The following FOXN4 variants were observed in gnomAD, a reference collection of about 807,000 sequenced individuals.
FOXN4 encodes the protein forkhead box N4.
FOXN4 carries 12 observed loss-of-function variants against 45.0 expected under a neutral mutation model. That is an observed-to-expected ratio of 0.27 (90% CI 0.17 to 0.43). The LOEUF is 0.43. Ranked by LOEUF, FOXN4 falls within the 20% of genes least tolerant of loss-of-function variation. FOXN4 has a pLI of 1.00. For synonymous variants in FOXN4, 297 were observed against 295.0 expected (o/e 1.01, Z -0.07); for missense variants, 560 against 694.9 (o/e 0.81, Z 2.18).
intron 2 of FOXN4, among the ~76,000 whole-genome samples, chr12:109,299,306 CACAG>C (rs1167379978): frequency 6.6e-6 from 1 of 152,206 alleles, no homozygotes; most frequent in Admixed American, 6.5e-5. Flanking sequence ...CGCATATGCA[CACAG>C]ACACACACAC....
At chr12:109,298,565 G>A (rs934364690) in intron 2 of FOXN4, among the ~76,000 whole-genome samples, 6 of 152,016 alleles carry the variant, frequency 3.9e-5, no homozygotes, top group Non-Finnish European at 7.4e-5. Context: ...GTTTCACCAC[G>A]TTGGCCAGAC....
intron 9 of FOXN4, 51 bp from the exon 10 acceptor site, chr12:109,279,981 G>C: frequency 6.2e-7 from 1 of 1,605,742 alleles, no homozygotes; most frequent in Non-Finnish European, 8.5e-7. Context: ...CAAATGACCT[G>C]AGTTCGAATC....
Position 109,288,614 on chromosome 12 carries a change from T to C in FOXN4, c.233-434A>G, listed in dbSNP as rs762907247. 2.0e-5 allele frequency among the ~76,000 whole-genome samples: 3 copies of C among 152,228 alleles called. No individual in the cohort carries two copies. The highest frequency in any genetic ancestry group is 4.4e-5 in the Non-Finnish European group (3 of 68,044). On this transcript the variant is annotated intron_variant, in intron 3 of 9. Transcript: ENST00000299162. The surrounding 1 kb of genome is among the most constrained non-coding windows in gnomAD (Gnocchi z 4.3). ...ACATGCCATGGCTCCCGAGTGCCTCTAGGTTTAGGTCCAAAGTACCTTTGT... is the reference window on the plus strand; with the variant it reads ...ACATGCCATGGCTCCCGAGTGCCTCCAGGTTTAGGTCCAAAGTACCTTTGT...
Position 109,281,574 on chromosome 12 carries a change from G to A in FOXN4, c.1127C>T (p.Pro376Leu). ...QPQAHLAPDSPAPAQTPPLHA... is the reference protein window; with the variant it reads ...QPQAHLAPDSLAPAQTPPLHA... ...CAGTGGCGGGGTCTGGGCTGGTGCT[G>A]GAGAGTCTGGAGCAAGATGTGCCTG... is the stretch of plus-strand genomic sequence containing the variant. The change falls in exon 9 of 10, where the codon CCA (proline) becomes CTA (leucine). Residue 376 changes from proline (P) to leucine (L), a missense_variant. Physicochemically the swap from Pro to Leu is moderately conservative, Grantham distance 98. Coordinates refer to ENST00000299162, the MANE Select transcript of FOXN4 (RefSeq NM_213596.3). 1.2e-6 allele frequency: 2 copies of A among 1,606,430 alleles called. No homozygotes were observed. The highest frequency in any genetic ancestry group is 1.7e-6 in the Non-Finnish European group (2 of 1,176,408).
intron 6 of FOXN4, chr12:109,286,995 T>C (rs1349498522): frequency 1.1e-6 from 1 of 946,656 alleles, no homozygotes; most frequent in Admixed American, 3.3e-5. Flanking sequence ...CCCCTCTTTA[T>C]TGCATCCCCA....
In FOXN4 at chr12:109,279,689, C is replaced by T. The variant is rs2047633636; in HGVS notation, c.1536G>A (p.Lys512=). ...SSQYLGAQGN[K]PIALL Reference sequence around the variant, plus strand: ...TGACAGCTCAAAGCAGGGCTATAGGCTTGTTCCCCTGTGCACCCAGGTACT... The same window carrying T: ...TGACAGCTCAAAGCAGGGCTATAGGTTTGTTCCCCTGTGCACCCAGGTACT... The change falls in exon 10 of 10, where the codon AAG becomes AAA. Residue 512 remains lysine, a synonymous_variant. Transcript: ENST00000299162. 6.4e-7 allele frequency: 1 copy of T among 1,573,910 alleles called. No homozygotes were observed.
chr12:109,294,582 C>T (rs1057057953), intron 2 of FOXN4, among the ~76,000 whole-genome samples: 4 of 152,190 alleles, frequency 2.6e-5, no homozygotes, highest in African/African-American at 9.6e-5. Context: ...CCAGCCAGCA[C>T]CCTGGACACC....
intron 2 of FOXN4, among the ~76,000 whole-genome samples, chr12:109,292,276 G>A (rs2047776525): frequency 6.6e-6 from 1 of 152,194 alleles, no homozygotes; most frequent in African/African-American, 2.4e-5. Context: ...CTGCTGGCAG[G>A]TTTGGTAAGG....
Position 109,281,751 on chromosome 12 carries a change from G to A in FOXN4, c.950C>T (p.Pro317Leu), listed in dbSNP as rs2047655276. The part of the protein sequence containing the change: ...ISDRPESCRR[P>L]GKPGEPEAPV... ...GGCCTCTGGTTCCCCCGGTTTGCCG[G>A]GGCGCCGGCAGCTTTCAGGCCGGTC... Residue 317 changes from proline to leucine, a missense_variant, in exon 9 of 10, where the codon CCC becomes CTC. By Grantham distance (98) the Pro-to-Leu change is moderately conservative. Around this residue, in one of 5 missense-constraint regions of FOXN4, gnomAD observed 315 missense variants for 350.5 expected, o/e 0.90. Coordinates refer to ENST00000299162, the MANE Select transcript of FOXN4 (RefSeq NM_213596.3). The A allele has an allele frequency of 1.2e-6, 2 of 1,604,626 alleles. No individual in the cohort carries two copies. The highest frequency in any genetic ancestry group is 1.7e-5 in the Admixed American group (1 of 59,764).
At position 109,285,321 on chromosome 12, in the gene FOXN4, C is replaced by T. The variant is rs774724083; in HGVS notation, c.884G>A (p.Arg295Gln). 5.6e-6 allele frequency: 9 copies of T among 1,610,314 alleles called. No homozygotes were observed. Among genetic ancestry groups the T allele is most frequent in the Admixed American group, 5.0e-5 (3 of 59,640 alleles). The change falls in exon 8 of 10, where the codon CGG becomes CAG. Residue 295 changes from arginine to glutamine, a missense_variant. Around this residue, in one of 5 missense-constraint regions of FOXN4, gnomAD observed 315 missense variants for 350.5 expected, o/e 0.90. Coordinates refer to ENST00000299162, the MANE Select transcript of FOXN4 (RefSeq NM_213596.3). ...WKRKDLAAIH[R>Q]SMANPEELDK... ...GCCCTCACCAGGGTTGGCCATACTCCGGTGGATGGCAGCCAGGTCCTTCCT... is the reference window on the plus strand; with the variant it reads ...GCCCTCACCAGGGTTGGCCATACTCTGGTGGATGGCAGCCAGGTCCTTCCT...
At chr12:109,297,303 G>A (rs1051122152) in intron 2 of FOXN4, among the ~76,000 whole-genome samples, 10 of 152,252 alleles carry the variant, frequency 6.6e-5, no homozygotes, top group Non-Finnish European at 1.3e-4. Flanking sequence ...GCACATGCAA[G>A]AGATTTAGGT....
chr12:109,303,869 C>A (rs2047888604), intron 2 of FOXN4, among the ~76,000 whole-genome samples: 1 of 152,092 alleles, frequency 6.6e-6, no homozygotes, highest in Non-Finnish European at 1.5e-5. Context: ...AGTATCCTTA[C>A]CTGTAGATTG....
intron 6 of FOXN4, 98 bp from the exon 7 acceptor site, chr12:109,286,842 GA>G: frequency 1.4e-6 from 2 of 1,477,644 alleles, no homozygotes; most frequent in Non-Finnish European, 1.8e-6. Flanking sequence ...CCTCTGCCAG[GA>G]AGCCTGCCCT....
chr12:109,279,491 G>A lies in FOXN4; in HGVS notation c.*180C>T, dbSNP rs980579876. On this transcript the variant is annotated 3_prime_UTR_variant, in exon 10 of 10. Coordinates refer to ENST00000299162, the MANE Select transcript of FOXN4 (RefSeq NM_213596.3). ...AACTGCTCCGGAAGCTCCAGGGGGAGGCACGAGAAGGAGAGGGGCTGCTGA... is the reference window on the plus strand; with the variant it reads ...AACTGCTCCGGAAGCTCCAGGGGGAAGCACGAGAAGGAGAGGGGCTGCTGA... The A allele has an allele frequency of 1.5e-5, 13 of 873,350 alleles. No individual in the cohort carries two copies. The African/African-American group carries it at 2.0e-4, about 14-fold the overall frequency. 54.1% of individuals were successfully genotyped at this position (873,350 alleles called of 1,614,324 possible). A position where few individuals can be genotyped will look rare whatever the true frequency, so the allele number is the denominator to read the frequency against.
At chr12:109,285,944 C>T (rs1350789194) in intron 7 of FOXN4, among the ~76,000 whole-genome samples, 1 of 150,814 alleles carries the variant, frequency 6.6e-6, no homozygotes, top group Non-Finnish European at 1.5e-5. Flanking sequence ...CGGCTCACTG[C>T]AACCTCAACC....
intron 2 of FOXN4, among the ~76,000 whole-genome samples, chr12:109,299,831 T>C (rs551901194): frequency 6.6e-6 from 1 of 152,336 alleles, no homozygotes; most frequent in South Asian, 2.1e-4. Context: ...TGTGCCCTTG[T>C]GAGTTCTGCA....
intron 8 of FOXN4, among the ~76,000 whole-genome samples, chr12:109,283,475 CTTTTTT>C (rs5800847): frequency 1.5e-5 from 2 of 129,686 alleles, no homozygotes; most frequent in South Asian, 5.2e-4. Context: ...TGTTTGAGAA[CTTTTTT>C]TTTTTTTTTT....
chr12:109,308,176 A>C (rs557141543), intron 2 of FOXN4, 60 bp downstream of exon 2: 2 of 1,326,308 alleles, frequency 1.5e-6, no homozygotes, highest in East Asian at 5.1e-5. Context: ...AACCATAAAC[A>C]GCATACAAAC....
Position 109,278,192 on chromosome 12 carries a change from A to G in FOXN4, c.*1479T>C, listed in dbSNP as rs1191474715. The G allele has an allele frequency of 6.6e-6, 1 of 152,226 alleles. No homozygotes were observed. Among genetic ancestry groups the G allele is most frequent in the Non-Finnish European group, 1.5e-5 (1 of 68,044 alleles). The allele number at this position is 152,226 out of a possible 1,614,324, so 9.4% of individuals were successfully genotyped here. A position where few individuals can be genotyped will look rare whatever the true frequency, so the allele number is the denominator to read the frequency against. On this transcript the variant is annotated 3_prime_UTR_variant, in exon 10 of 10. Coordinates refer to ENST00000299162, the MANE Select transcript of FOXN4 (RefSeq NM_213596.3). ...GGTAGAAAGTTCCAGAACTGGGAAA[A>G]ACTTAAAGCTCGCCCTTCAAGGCGG...
Sources: gnomAD v4.1 joint callset for allele counts (sites outside exome capture counted in the v4.1 genomes callset) on GRCh38, gnomAD v4.1.1 for gene constraint, gnomAD v4.1.1 regional missense constraint, Gnocchi (gnomAD v3.1) non-coding constraint, MANE v1.5 for transcripts, NCBI Gene and HGNC (gene_info 2026-07-23, HGNC 2026-07-21) for gene names.